Variants in FRMD4B observed in about 807,000 individuals in gnomAD.
FRMD4B encodes the protein FERM domain-containing protein 4B.
FRMD4B carries 74 observed loss-of-function variants against 141.5 expected under a neutral mutation model. The ratio of observed to expected loss-of-function variants is 0.52; its 90% CI spans 0.43 to 0.63. The LOEUF (loss-of-function observed/expected upper bound fraction) is 0.63. Ranked by LOEUF, FRMD4B falls within the 30% of genes least tolerant of loss-of-function variation. The pLI is 0.00. For synonymous variants in FRMD4B, 506 were observed against 467.9 expected (o/e 1.08, Z -1.05); for missense variants, 1,366 against 1,253.4 (o/e 1.09, Z -1.36).
At chr3:69,253,891 C>T (rs775076041) in intron 5 of FRMD4B, among the ~76,000 whole-genome samples, 1 of 151,972 alleles carries the variant, frequency 6.6e-6, no homozygotes, top group Non-Finnish European at 1.5e-5. Flanking sequence ...AGTTTGAGAT[C>T]ACGCACCATA....
chr3:69,330,401 C>T (rs1408200766), intron 1 of FRMD4B, among the ~76,000 whole-genome samples: 1 of 120,812 alleles, frequency 8.3e-6, no homozygotes, highest in Non-Finnish European at 1.6e-5. Context: ...GGCGGGAGTG[C>T]AATGGGGTGA....
intron 1 of FRMD4B, chr3:69,536,532 G>T (rs1159027634): frequency 2.3e-5 from 16 of 699,800 alleles, no homozygotes; most frequent in Admixed American, 1.0e-4. Flanking sequence ...CCACCGTGCG[G>T]GGGGTGGGGA....
intron 2 of FRMD4B, among the ~76,000 whole-genome samples, chr3:69,406,189 G>C (rs1010865259): frequency 1.3e-5 from 2 of 152,086 alleles, no homozygotes; most frequent in African/African-American, 4.8e-5. Flanking sequence ...AAAACCTTTT[G>C]CCAAGATTGG....
chr3:69,378,923 C>G (rs1201167207), intron 1 of FRMD4B, among the ~76,000 whole-genome samples: 1 of 152,142 alleles, frequency 6.6e-6, no homozygotes, highest in East Asian at 1.9e-4. Context: ...AAGAGTCACT[C>G]CCTCCAGGAA....
Position 69,400,401 on chromosome 3 carries a change from T to A in FRMD4B, c.-1+32233A>T, listed in dbSNP as rs1704544011. ...TGTCTCTCAAGAAAAAAAAAAAGTG[T>A]ACCATTTAGAAGAAAATTTAGAATT... On this transcript the variant is annotated intron_variant, in intron 2 of 5. Coordinates refer to the FRMD4B transcript ENST00000459638. Among the ~76,000 whole-genome samples, 4 of 151,378 alleles carry A rather than the reference T, an allele frequency of 2.6e-5. No homozygotes were observed. In the South Asian group the frequency reaches 6.3e-4, roughly 24 times the overall value.
At chr3:69,521,797 G>A (rs185806876) in intron 1 of FRMD4B, among the ~76,000 whole-genome samples, 7 of 152,222 alleles carry the variant, frequency 4.6e-5, no homozygotes, top group African/African-American at 1.7e-4. Flanking sequence ...TTCCCATGGC[G>A]GGGTCTTTCT....
intron 2 of FRMD4B, among the ~76,000 whole-genome samples, chr3:69,403,324 CAG>C (rs1704599433): frequency 6.6e-6 from 1 of 152,208 alleles, no homozygotes; most frequent in Non-Finnish European, 1.5e-5. Flanking sequence ...CTCAACAACT[CAG>C]AAGTATTCTC....
chr3:69,316,247 G>C (rs1054742348), intron 1 of FRMD4B, among the ~76,000 whole-genome samples: 5 of 152,182 alleles, frequency 3.3e-5, no homozygotes, highest in African/African-American at 7.2e-5. Context: ...CTAAGCCTAT[G>C]TCCTTAATTC....
At position 69,292,392 on chromosome 3, in the gene FRMD4B, C is replaced by T. The variant is rs114669805; in HGVS notation, c.417-4556G>A. Among the ~76,000 whole-genome samples, 565 of 152,292 alleles carry T rather than the reference C, an allele frequency of 3.7e-3. 1 individual carries two copies. Among genetic ancestry groups the T allele is most frequent in the Non-Finnish European group, 5.9e-3 (400 of 68,022 alleles). On this transcript the variant is annotated intron_variant, in intron 4 of 22. Transcript: ENST00000398540. Reference sequence around the variant, plus strand: ...GCTAGTCTTTGAGCCCTGAAGAAACCGCATACAGGTTGCTGGGTAGCTTGG... The same window carrying T: ...GCTAGTCTTTGAGCCCTGAAGAAACTGCATACAGGTTGCTGGGTAGCTTGG...
intron 1 of FRMD4B, among the ~76,000 whole-genome samples, chr3:69,384,083 C>T (rs1038425355): frequency 6.6e-6 from 1 of 152,054 alleles, no homozygotes; most frequent in African/African-American, 2.4e-5. Flanking sequence ...TATAGACACA[C>T]AGCACACTGC....
At chr3:69,392,722 G>A (rs1385417150) in intron 2 of FRMD4B, among the ~76,000 whole-genome samples, 2 of 152,108 alleles carry the variant, frequency 1.3e-5, no homozygotes, top group African/African-American at 2.4e-5. Flanking sequence ...AGCTTCTCTT[G>A]TGGCCTCTGG....
At chr3:69,306,250 A>G (rs1215572199) in intron 3 of FRMD4B, among the ~76,000 whole-genome samples, 4 of 152,188 alleles carry the variant, frequency 2.6e-5, no homozygotes, top group African/African-American at 4.8e-5. Flanking sequence ...AGATCTAACC[A>G]ATATCTTAAA....
chr3:69,338,320 G>T (rs188647773), intron 1 of FRMD4B, among the ~76,000 whole-genome samples: 8 of 152,282 alleles, frequency 5.3e-5, no homozygotes, highest in African/African-American at 7.2e-5. Context: ...GTGGGGAGAG[G>T]GGGGAGGGAT....
chr3:69,410,726 AAT>A lies in FRMD4B; in HGVS notation c.-1+21906_-1+21907del, dbSNP rs767608068. On this transcript the variant is annotated intron_variant, in intron 2 of 5. Transcript: ENST00000459638. ...AAATATATAAATAAATAAATAAATA[AAT>A]ATATATATATATATATATATATATA... 9.0e-3 allele frequency among the ~76,000 whole-genome samples: 771 copies of A among 85,482 alleles called. 5 individuals are homozygous for A. The highest frequency in any genetic ancestry group is 0.017 in the Admixed American group (117 of 6,874). The allele number at this position is 85,482 out of a possible 152,430, so 56.1% of individuals were successfully genotyped here.
chr3:69,238,103 A>G (rs1352068175), intron 7 of FRMD4B, among the ~76,000 whole-genome samples: 1 of 152,176 alleles, frequency 6.6e-6, no homozygotes, highest in Non-Finnish European at 1.5e-5. Flanking sequence ...CATTTTACTT[A>G]CACAAACTCA....
chr3:69,305,001 T>C (rs1701346463), intron 3 of FRMD4B, among the ~76,000 whole-genome samples: 2 of 152,184 alleles, frequency 1.3e-5, no homozygotes, highest in African/African-American at 2.4e-5. Context: ...AGCTAGTCTC[T>C]ATCGAGTAAT....
At chr3:69,246,142 C>T (rs574422556) in intron 7 of FRMD4B, among the ~76,000 whole-genome samples, 36 of 152,240 alleles carry the variant, frequency 2.4e-4, no homozygotes, top group East Asian at 1.7e-3. Context: ...CGGCACCCGG[C>T]GCCTGATTTT....
intron 7 of FRMD4B, among the ~76,000 whole-genome samples, chr3:69,230,391 C>A (rs1016344076): frequency 6.6e-6 from 1 of 152,162 alleles, no homozygotes; most frequent in Non-Finnish European, 1.5e-5. Context: ...TGGAAATTTG[C>A]ATACCCTATA....
At chr3:69,455,402 G>A (rs988430962) in intron 1 of FRMD4B, among the ~76,000 whole-genome samples, 3 of 152,230 alleles carry the variant, frequency 2.0e-5, no homozygotes, top group African/African-American at 4.8e-5. Context: ...AAGGTCTGCA[G>A]CTTCTCATCT....
Sources: allele counts gnomAD v4.1 joint callset (sites outside exome capture counted in the v4.1 genomes callset), GRCh38; gene constraint gnomAD v4.1.1; transcripts MANE v1.5; gene names NCBI Gene and HGNC (gene_info 2026-07-23, HGNC 2026-07-21).